Variants in PTPRT observed in about 807,000 individuals in gnomAD.
PTPRT encodes protein tyrosine phosphatase receptor type T, also known as receptor-type tyrosine-protein phosphatase T.
Under a neutral mutation model 176.8 loss-of-function variants are expected in PTPRT, and 56 were observed. The observed-to-expected ratio is 0.32, with a 90% CI of 0.26 to 0.40. PTPRT has a LOEUF of 0.40. PTPRT is among the 10% of genes least tolerant of loss of function. The pLI, the probability that PTPRT is intolerant of heterozygous loss-of-function variation, is 1.00. For synonymous variants in PTPRT, 783 were observed against 739.0 expected, an observed-to-expected ratio of 1.06 and a Z score of -0.96; for missense variants, 1,540 against 1,908.2, an observed-to-expected ratio of 0.81 and a Z score of 3.60.
chr20:43,152,768 C>A (rs559424333), intron 1 of PTPRT, among the ~76,000 whole-genome samples: 2 of 152,144 alleles, frequency 1.3e-5, no homozygotes, highest in Non-Finnish European at 2.9e-5. Flanking sequence ...GCACAAGTGA[C>A]AAGTAAAGGA....
At chr20:42,831,535 T>G (rs1209930221) in intron 2 of PTPRT, among the ~76,000 whole-genome samples, 1 of 152,182 alleles carries the variant, frequency 6.6e-6, no homozygotes, top group East Asian at 1.9e-4. Flanking sequence ...AAATGGGATC[T>G]AATTAAACTT....
intron 4 of PTPRT, among the ~76,000 whole-genome samples, chr20:42,775,182 ATTTGGGGCAAAAATGCCT>A (rs1432414586): frequency 6.6e-6 from 1 of 152,158 alleles, no homozygotes; most frequent in Non-Finnish European, 1.5e-5. Flanking sequence ...CTGGCTGTGC[ATTTGGGGCAAAAATGCCT>A]TGACGTTAGT....
intron 1 of PTPRT, among the ~76,000 whole-genome samples, chr20:42,893,091 G>C (rs1316128067): frequency 6.6e-6 from 1 of 151,902 alleles, no homozygotes; most frequent in East Asian, 1.9e-4. Context: ...TACAAAATGG[G>C]AGAAAATTTT....
chr20:42,448,581 G>A (rs2070772890), intron 8 of PTPRT, among the ~76,000 whole-genome samples: 1 of 152,140 alleles, frequency 6.6e-6, no homozygotes, highest in Non-Finnish European at 1.5e-5. Flanking sequence ...AACAGGCAAT[G>A]GGCTGGATTT....
chr20:42,122,015 AG>A (rs972950156), intron 19 of PTPRT, among the ~76,000 whole-genome samples: 1 of 152,138 alleles, frequency 6.6e-6, no homozygotes, highest in Non-Finnish European at 1.5e-5. Context: ...GTGACTCAGA[AG>A]GTTGGCAGGG....
At chr20:42,704,497 A>G (rs932837773) in intron 6 of PTPRT, among the ~76,000 whole-genome samples, 5 of 151,692 alleles carry the variant, frequency 3.3e-5, no homozygotes, top group Non-Finnish European at 4.4e-5. Context: ...AAGCTTTCCT[A>G]TTGAGTCCAC....
At chr20:42,579,871 G>C (rs978183643) in intron 7 of PTPRT, among the ~76,000 whole-genome samples, 2 of 152,080 alleles carry the variant, frequency 1.3e-5, no homozygotes, top group Non-Finnish European at 2.9e-5. Flanking sequence ...CACTCTGATG[G>C]TAGTTTCTTT....
intron 6 of PTPRT, among the ~76,000 whole-genome samples, chr20:42,713,758 G>T (rs556725813): frequency 8.8e-4 from 134 of 152,178 alleles, no homozygotes; most frequent in African/African-American, 3.1e-3. Flanking sequence ...CATCCCTCTT[G>T]GTACTGTCCT....
intron 15 of PTPRT, among the ~76,000 whole-genome samples, chr20:42,235,236 CTGT>C (rs1045403171): frequency 2.0e-5 from 3 of 150,816 alleles, no homozygotes; most frequent in Admixed American, 6.6e-5. Context: ...TTGAGCATCT[CTGT>C]TGTTGTTGTT....
rs767771986 is a variant in PTPRT at position 42,098,411 on chromosome 20, C to G, written c.3846+10G>C. 1.2e-6 allele frequency: 2 copies of G among 1,613,846 alleles called. No individual in the cohort carries two copies. The highest frequency in any genetic ancestry group is 2.2e-5 in the South Asian group (2 of 91,044). On this transcript the variant is annotated intron_variant, in intron 27 of 30. Coordinates refer to ENST00000373187, the MANE Select transcript of PTPRT (RefSeq NM_007050.6). The stretch of plus-strand genomic sequence containing the variant: ...TGACCCACCTAGGGCTTGGCTTGGC[C>G]TCCTCCTACCTGGGCAGTGTCCATC...
rs78754157 is a variant in PTPRT at position 42,956,585 on chromosome 20, C to T, written c.89-70653G>A. Reference sequence around the variant, plus strand: ...AACCAGGAGCCAATTAAATCTCTCTCTTTTTTTTTTTAAATAAATTACCCA... The same window carrying T: ...AACCAGGAGCCAATTAAATCTCTCTTTTTTTTTTTTTAAATAAATTACCCA... On this transcript the variant is annotated intron_variant, in intron 1 of 30. Coordinates refer to ENST00000373187, the MANE Select transcript of PTPRT (RefSeq NM_007050.6). 4.6e-3 allele frequency among the ~76,000 whole-genome samples: 679 copies of T among 147,920 alleles called. 3 individuals carry two copies. Among genetic ancestry groups the T allele is most frequent in the Non-Finnish European group, 7.3e-3 (487 of 66,568 alleles).
intron 9 of PTPRT, among the ~76,000 whole-genome samples, chr20:42,388,006 C>T (rs1276407712): frequency 6.6e-6 from 1 of 152,032 alleles, no homozygotes; most frequent in East Asian, 1.9e-4. Context: ...TGGCCAGGCT[C>T]GTCTCGAACT....
chr20:42,577,106 C>T (rs1371530711), intron 7 of PTPRT, among the ~76,000 whole-genome samples: 1 of 152,050 alleles, frequency 6.6e-6, no homozygotes, highest in Non-Finnish European at 1.5e-5. Flanking sequence ...AGAAAACAGG[C>T]CATTACCAAG....
At chr20:42,111,167 G>GT (rs35644969) in intron 22 of PTPRT, among the ~76,000 whole-genome samples, 1 of 152,126 alleles carries the variant, frequency 6.6e-6, no homozygotes, top group Non-Finnish European at 1.5e-5. Context: ...CCCAGTAGTG[G>GT]TTTTCTGACC....
intron 9 of PTPRT, among the ~76,000 whole-genome samples, chr20:42,408,013 C>A (rs2058977874): frequency 6.6e-6 from 1 of 152,002 alleles, no homozygotes; most frequent in Admixed American, 6.5e-5. Context: ...ATGTCCTGAA[C>A]AAATTTTTTA....
intron 1 of PTPRT, among the ~76,000 whole-genome samples, chr20:43,157,196 A>C (rs1489725710): frequency 1.5e-5 from 2 of 132,306 alleles, no homozygotes; most frequent in East Asian, 2.5e-4. Flanking sequence ...TCTACTAAAA[A>C]TACAAAAAAA....
At chr20:42,483,955 C>A (rs1029519201) in intron 7 of PTPRT, among the ~76,000 whole-genome samples, 1 of 152,204 alleles carries the variant, frequency 6.6e-6, no homozygotes, top group African/African-American at 2.4e-5. Context: ...TCCAAGTAGC[C>A]AGTTCATTCT....
At chr20:42,622,088 A>G (rs1358178419) in intron 7 of PTPRT, among the ~76,000 whole-genome samples, 2 of 152,214 alleles carry the variant, frequency 1.3e-5, no homozygotes, top group African/African-American at 4.8e-5. Context: ...TCTCCTTAAC[A>G]TGAATTAAAT....
chr20:42,098,271 G>A, intron 27 of PTPRT, 150 bp downstream of exon 27: 1 of 1,089,852 alleles, frequency 9.2e-7, no homozygotes, highest in Non-Finnish European at 1.3e-6. Context: ...GTAGCAGAAT[G>A]GCTTGTCTGA....
Sources: gnomAD v4.1 joint callset for allele counts (sites outside exome capture counted in the v4.1 genomes callset) on GRCh38, gnomAD v4.1.1 for gene constraint, MANE v1.5 for transcripts, NCBI Gene and HGNC (gene_info 2026-07-23, HGNC 2026-07-21) for gene names.